Variants in OPHN1 observed in about 807,000 individuals in gnomAD.
OPHN1 encodes oligophrenin-1.
A neutral mutation model predicts 60.7 loss-of-function variants in OPHN1; 11 were observed. The ratio of observed to expected loss-of-function variants is 0.18; its 90% confidence interval spans 0.11 to 0.30. The LOEUF (loss-of-function observed/expected upper bound fraction) is 0.30. OPHN1 is among the 10% of genes least tolerant of loss of function. The pLI, the probability that OPHN1 is intolerant of heterozygous loss-of-function variation, is 1.00. For missense variants in OPHN1, 449 were observed against 611.0 expected (o/e 0.73, Z 2.80); for synonymous variants, 226 against 222.6 (o/e 1.02, Z -0.14).
At chrX:68,216,274 C>A (rs1328500993) in intron 6 of OPHN1, among the ~76,000 whole-genome samples, 1 of 110,576 alleles carries the variant, frequency 9.0e-6, no homozygotes. Flanking sequence ...AAAATAAGAT[C>A]ATATAAAATA....
intron 15 of OPHN1, among the ~76,000 whole-genome samples, chrX:68,187,489 G>A (rs1164749370): frequency 3.7e-5 from 4 of 107,213 alleles, no homozygotes; most frequent in African/African-American, 1.4e-4. Flanking sequence ...AAAAGGTAAG[G>A]GAACAGACTG....
intron 16 of OPHN1, among the ~76,000 whole-genome samples, chrX:68,117,330 G>A (rs1385041916): frequency 1.8e-5 from 2 of 111,738 alleles, no homozygotes; most frequent in African/African-American, 3.3e-5. Context: ...CAAAATGGGT[G>A]ACGTCTTCCT....
intron 2 of OPHN1, among the ~76,000 whole-genome samples, chrX:68,380,457 C>A (rs1602370106): frequency 9.0e-6 from 1 of 111,046 alleles, no homozygotes; most frequent in East Asian, 2.8e-4. Flanking sequence ...TTAGTTATTT[C>A]TTGCCTTCTG....
intron 2 of OPHN1, among the ~76,000 whole-genome samples, chrX:68,432,583 A>G (rs772244555): frequency 1.7e-4 from 19 of 111,823 alleles, no homozygotes; most frequent in African/African-American, 6.2e-4. Context: ...CTTAAGAACA[A>G]TCATCTGCCA....
At chrX:68,353,552 C>A (rs1342629114) in intron 2 of OPHN1, among the ~76,000 whole-genome samples, 1 of 109,884 alleles carries the variant, frequency 9.1e-6, no homozygotes, top group African/African-American at 3.3e-5. Context: ...CCAGCCTGGG[C>A]AACAAAAGCA....
chrX:68,129,480 T>C (rs762273253), intron 15 of OPHN1, among the ~76,000 whole-genome samples: 78 of 111,862 alleles, frequency 7.0e-4, no homozygotes, highest in Non-Finnish European at 1.3e-3. Context: ...AGGATGAAAG[T>C]GGTTTGTGGA....
intron 5 of OPHN1, among the ~76,000 whole-genome samples, chrX:68,261,485 G>GGA (rs1937869386): frequency 9.0e-6 from 1 of 110,972 alleles, no homozygotes. Flanking sequence ...GTCGGTGGGG[G>GGA]GAGGCGGGGA....
intron 2 of OPHN1, among the ~76,000 whole-genome samples, chrX:68,378,437 T>C (rs1228872201): frequency 1.8e-5 from 2 of 111,711 alleles, no homozygotes; most frequent in African/African-American, 6.5e-5. Context: ...TTAGTTTAAT[T>C]AGATCCCATT....
At chrX:68,156,399 G>T (rs1266624712) in intron 15 of OPHN1, among the ~76,000 whole-genome samples, 1 of 108,631 alleles carries the variant, frequency 9.2e-6, no homozygotes, top group African/African-American at 3.3e-5. Flanking sequence ...TATAAGACAT[G>T]CATACACACA....
chrX:68,429,996 C>A (rs768312753), intron 2 of OPHN1, among the ~76,000 whole-genome samples: 1 of 110,500 alleles, frequency 9.0e-6, no homozygotes, highest in African/African-American at 3.3e-5. Flanking sequence ...GATCATGCCA[C>A]TGCACTCTAG....
intron 2 of OPHN1, among the ~76,000 whole-genome samples, chrX:68,383,403 C>T (rs2078607528): frequency 9.2e-6 from 1 of 108,273 alleles, no homozygotes; most frequent in Non-Finnish European, 1.9e-5. Flanking sequence ...ACCAGCCTGG[C>T]CAATATGGTG....
At chrX:68,098,348 C>T (rs1055973668) in intron 18 of OPHN1, among the ~76,000 whole-genome samples, 1 of 111,683 alleles carries the variant, frequency 9.0e-6, no homozygotes, top group Non-Finnish European at 1.9e-5. Context: ...ATTGAGCTCC[C>T]TAGTGCTGTT....
intron 15 of OPHN1, among the ~76,000 whole-genome samples, chrX:68,121,655 G>C (rs2077151043): frequency 9.1e-6 from 1 of 109,744 alleles, no homozygotes; most frequent in South Asian, 4.0e-4. Context: ...ACTGGGCTCA[G>C]AGCCAGTGAA....
intron 15 of OPHN1, among the ~76,000 whole-genome samples, chrX:68,128,100 A>C (rs2077179132): frequency 9.2e-6 from 1 of 108,706 alleles, no homozygotes; most frequent in Admixed American, 9.9e-5. Context: ...CTCAGGCTGC[A>C]GTGTAATGGT....
Position 68,396,851 on chromosome X carries a change from C to T in OPHN1, c.154+36016G>A, listed in dbSNP as rs148163711. ...AATAAAAATAAAAACTAATGAGTATCCTGCTGTCACAGGATGAGCCCTTGA... is the reference window on the plus strand; with the variant it reads ...AATAAAAATAAAAACTAATGAGTATTCTGCTGTCACAGGATGAGCCCTTGA... On this transcript the variant is annotated intron_variant, in intron 2 of 24. Coordinates refer to ENST00000355520, the MANE Select transcript of OPHN1 (RefSeq NM_002547.3). 1.7e-3 allele frequency among the ~76,000 whole-genome samples: 192 copies of T among 111,569 alleles called. 1 individual carries two copies. The highest frequency in any genetic ancestry group is 6.0e-3 in the African/African-American group (186 of 30,758).
chrX:68,123,565 A>G (rs752385589), intron 15 of OPHN1, among the ~76,000 whole-genome samples: 1 of 112,209 alleles, frequency 8.9e-6, no homozygotes, highest in African/African-American at 3.2e-5. Flanking sequence ...GGAAACAACA[A>G]AAAACTGAAA....
intron 2 of OPHN1, among the ~76,000 whole-genome samples, chrX:68,325,401 T>C (rs747957782): frequency 1.9e-5 from 2 of 105,673 alleles, no homozygotes; most frequent in African/African-American, 6.8e-5. Context: ...CACATATATA[T>C]AAAAAATTAT....
chrX:68,405,588 C>T (rs1275225946), intron 2 of OPHN1, among the ~76,000 whole-genome samples: 1 of 111,060 alleles, frequency 9.0e-6, no homozygotes, highest in Non-Finnish European at 1.9e-5. Context: ...CCTGGGATTT[C>T]CTAGATGTCA....
intron 2 of OPHN1, among the ~76,000 whole-genome samples, chrX:68,383,256 G>A (rs1356584486): frequency 3.6e-5 from 4 of 111,054 alleles, no homozygotes; most frequent in African/African-American, 1.3e-4. Flanking sequence ...AGACTGCTAA[G>A]TCATCTCAGA....
Sources: gnomAD v4.1 joint callset for allele counts (sites outside exome capture counted in the v4.1 genomes callset) on GRCh38, gnomAD v4.1.1 for gene constraint, MANE v1.5 for transcripts, NCBI Gene and HGNC (gene_info 2026-07-23, HGNC 2026-07-21) for gene names.